The following PTPN13 variants were observed in gnomAD, a reference collection of about 807,000 sequenced individuals.
The protein encoded by PTPN13 is protein tyrosine phosphatase non-receptor type 13.
Under a neutral mutation model 284.0 loss-of-function variants are expected in PTPN13, and 191 were observed. That is an observed-to-expected ratio of 0.67 (90% CI 0.60 to 0.76). The LOEUF (loss-of-function observed/expected upper bound fraction) is 0.76, where lower values mean the gene tolerates loss of function less well. Among genes scored for constraint, PTPN13 ranks in the 30% least tolerant of loss-of-function variants. PTPN13 has a pLI of 0.00. For synonymous variants in PTPN13, 986 were observed against 1,022.3 expected (o/e 0.96, Z 0.68); for missense variants, 2,797 against 2,939.9 (o/e 0.95, Z 1.12).
chr4:86,717,369 A>G (rs1215611396), intron 9 of PTPN13, among the ~76,000 whole-genome samples: 1 of 151,920 alleles, frequency 6.6e-6, no homozygotes, highest in Non-Finnish European at 1.5e-5. Flanking sequence ...TTGAATTTTT[A>G]GTAGAGATGG....
chr4:86,712,479 G>A (rs190497530), intron 7 of PTPN13, among the ~76,000 whole-genome samples: 83 of 151,910 alleles, frequency 5.5e-4, no homozygotes, highest in African/African-American at 1.8e-3. Context: ...ACCTGAAAAC[G>A]TTAAATTTAT....
chr4:86,776,337 T>C (rs896913205), intron 35 of PTPN13, among the ~76,000 whole-genome samples: 4 of 152,360 alleles, frequency 2.6e-5, no homozygotes, highest in African/African-American at 9.6e-5. Flanking sequence ...TTAATTTATT[T>C]GCTATTTTTA....
At chr4:86,791,743 T>TC (rs1170617355) in intron 40 of PTPN13, among the ~76,000 whole-genome samples, 1 of 151,886 alleles carries the variant, frequency 6.6e-6, no homozygotes, top group Admixed American at 6.6e-5. Context: ...TCCAGCAAAC[T>TC]CCAACAGACC....
chr4:86,783,637 A>G lies in PTPN13; in HGVS notation c.6025-828A>G, dbSNP rs115770316. ...TTTCATAATCCAGTGATGCTTTTTGATATTATATTACCACTATTTATTTTT... is the reference window on the plus strand; with the variant it reads ...TTTCATAATCCAGTGATGCTTTTTGGTATTATATTACCACTATTTATTTTT... On this transcript the variant is annotated intron_variant, in intron 37 of 47. Coordinates refer to ENST00000411767, the MANE Select transcript of PTPN13 (RefSeq NM_080683.3). Among the ~76,000 whole-genome samples the G allele has an allele frequency of 3.4e-3, 523 of 152,074 alleles. 9 individuals carry two copies. The highest frequency in any genetic ancestry group is 0.012 in the African/African-American group (489 of 41,532).
intron 2 of PTPN13, among the ~76,000 whole-genome samples, chr4:86,669,241 T>C (rs1171463388): frequency 6.8e-6 from 1 of 147,116 alleles, no homozygotes; most frequent in Non-Finnish European, 1.5e-5. Context: ...CCAATAATAC[T>C]TTAGACTCTA....
At chr4:86,633,732 C>T (rs1465132998) in intron 1 of PTPN13, among the ~76,000 whole-genome samples, 1 of 152,114 alleles carries the variant, frequency 6.6e-6, no homozygotes, top group African/African-American at 2.4e-5. Context: ...TTGAAACTTC[C>T]AATTTATCAA....
At chr4:86,764,894 C>G (rs1296715554) in intron 25 of PTPN13, among the ~76,000 whole-genome samples, 170 bp downstream of exon 25, 1 of 152,144 alleles carries the variant, frequency 6.6e-6, no homozygotes, top group Non-Finnish European at 1.5e-5. Flanking sequence ...GTGTTAGTCA[C>G]TTTTTCCTGT....
At chr4:86,672,305 T>C (rs1727796207) in intron 2 of PTPN13, 60 bp from the exon 3 acceptor site, 1 of 1,384,854 alleles carries the variant, frequency 7.2e-7, no homozygotes, top group South Asian at 1.5e-5. Context: ...CCTGTGATTA[T>C]AATTTTAAGC....
At chr4:86,705,333 C>CAAAAAAAAAAAAAAAAAAAAAAAAAAA (rs759784072) in intron 7 of PTPN13, among the ~76,000 whole-genome samples, 47 of 95,272 alleles carry the variant, frequency 4.9e-4, no homozygotes, top group Non-Finnish European at 7.1e-4. Context: ...GACTCCGTCT[C>CAAAAAAAAAAAAAAAAAAAAAAAAAAA]AAAAAAAAAA....
intron 16 of PTPN13, among the ~76,000 whole-genome samples, chr4:86,744,746 C>G (rs1010977880): frequency 2.0e-5 from 3 of 152,162 alleles, no homozygotes; most frequent in African/African-American, 7.2e-5. Flanking sequence ...TAGTAGTAAG[C>G]TAGCCCATCT....
At position 86,726,219 on chromosome 4, in the gene PTPN13, T is replaced by C. The variant is rs1168046757; in HGVS notation, c.1608+3785T>C. Among the ~76,000 whole-genome samples the C allele has an allele frequency of 1.3e-5, 2 of 149,676 alleles. 1 individual carries two copies. Among genetic ancestry groups the C allele is most frequent in the Non-Finnish European group, 3.0e-5 (2 of 66,668 alleles). On this transcript the variant is annotated intron_variant, in intron 10 of 47. Coordinates refer to ENST00000411767, the MANE Select transcript of PTPN13 (RefSeq NM_080683.3). ...CAGTACCATGCTGTTTTGGTTACTG[T>C]AGACTTGTAGTATAGTTTGAAGTCA...
At chr4:86,780,776 C>A (rs563885138) in intron 36 of PTPN13, among the ~76,000 whole-genome samples, 50 of 151,792 alleles carry the variant, frequency 3.3e-4, no homozygotes, top group Non-Finnish European at 6.5e-4. Context: ...AGCTACACAG[C>A]AATAAAAAGG....
intron 28 of PTPN13, among the ~76,000 whole-genome samples, chr4:86,769,150 G>A (rs1365596687): frequency 6.6e-6 from 1 of 151,606 alleles, no homozygotes; most frequent in Non-Finnish European, 1.5e-5. Context: ...TTGAAATATT[G>A]CAATTTATCT....
chr4:86,759,026 A>C lies in PTPN13; in HGVS notation c.3506A>C (p.Glu1169Ala). 1 of 1,613,724 alleles carries C rather than the reference A, an allele frequency of 6.2e-7. No individual in the cohort carries two copies. Among genetic ancestry groups the C allele is most frequent in the Non-Finnish European group, 8.5e-7 (1 of 1,179,732 alleles). Reference sequence around the variant, plus strand: ...ATTGAAATTTTGCAAAATGCACCTGAAGATGTGACACTTGTTATCTCTCAG... The same window carrying C: ...ATTGAAATTTTGCAAAATGCACCTGCAGATGTGACACTTGTTATCTCTCAG... The part of the protein sequence containing the change: ...AAIEILQNAP[E>A]DVTLVISQPK... Residue 1169 changes from glutamate (E) to alanine (A), a missense_variant, in exon 23 of 48, where the codon GAA becomes GCA. Coordinates refer to ENST00000411767, the MANE Select transcript of PTPN13 (RefSeq NM_080683.3).
intron 2 of PTPN13, among the ~76,000 whole-genome samples, chr4:86,660,927 A>G (rs1322354731): frequency 3.3e-5 from 5 of 152,146 alleles, no homozygotes; most frequent in African/African-American, 1.2e-4. Context: ...CTCTAGTCCT[A>G]TCCTTGGTGA....
At chr4:86,710,934 T>G (rs867381719) in intron 7 of PTPN13, among the ~76,000 whole-genome samples, 17 of 148,914 alleles carry the variant, frequency 1.1e-4, no homozygotes, top group South Asian at 2.1e-4. Flanking sequence ...TGTTTTTTGG[T>G]TTTTTTTTGA....
intron 20 of PTPN13, among the ~76,000 whole-genome samples, chr4:86,753,904 G>A (rs1000924824): frequency 6.6e-6 from 1 of 151,998 alleles, no homozygotes; most frequent in Non-Finnish European, 1.5e-5. Flanking sequence ...TATTAATACA[G>A]CTAAACTTGA....
At chr4:86,786,120 C>T (rs922296354) in intron 40 of PTPN13, among the ~76,000 whole-genome samples, 184 bp downstream of exon 40, 48 of 151,556 alleles carry the variant, frequency 3.2e-4, no homozygotes, top group African/African-American at 1.1e-3. Flanking sequence ...AGAATCATTA[C>T]ACAAATTTTC....
chr4:86,810,095 C>A, intron 46 of PTPN13, 111 bp downstream of exon 46: 1 of 776,322 alleles, frequency 1.3e-6, no homozygotes, highest in Non-Finnish European at 2.0e-6. Flanking sequence ...GTTTATATGA[C>A]TGCCTTCATT....
Sources: allele counts gnomAD v4.1 joint callset (sites outside exome capture counted in the v4.1 genomes callset), GRCh38; gene constraint gnomAD v4.1.1; transcripts MANE v1.5; gene names NCBI Gene and HGNC (gene_info 2026-07-23, HGNC 2026-07-21).